Variants in MAPRE2 observed in about 807,000 individuals in gnomAD.
The protein encoded by MAPRE2 is microtubule-associated protein RP/EB family member 2.
In MAPRE2, 13 loss-of-function variants were observed where a neutral mutation model predicts 43.2. That is an observed-to-expected ratio of 0.30 (90% confidence interval 0.20 to 0.48). MAPRE2 has a LOEUF of 0.48. Ranked by LOEUF, MAPRE2 falls within the 20% of genes least tolerant of loss-of-function variation. The pLI, the probability that MAPRE2 is intolerant of heterozygous loss-of-function variation, is 0.99. For synonymous variants in MAPRE2, 135 were observed against 148.8 expected (o/e 0.91, Z 0.68); for missense variants, 161 against 400.2 (o/e 0.40, Z 5.10).
intron 1 of MAPRE2, among the ~76,000 whole-genome samples, chr18:34,977,621 G>C (rs2097013928): frequency 6.6e-6 from 1 of 152,192 alleles, no homozygotes; most frequent in South Asian, 2.1e-4. Flanking sequence ...CTGGACCCCG[G>C]GCACTTCCCC....
chr18:35,048,469 CACAT>C (rs1905750553), intron 1 of MAPRE2, among the ~76,000 whole-genome samples: 1 of 151,088 alleles, frequency 6.6e-6, no homozygotes, highest in Non-Finnish European at 1.5e-5. Flanking sequence ...AGTATATATA[CACAT>C]ACATATATAC....
chr18:35,035,013 T>A (rs1369994714), intron 2 of MAPRE2, among the ~76,000 whole-genome samples: 1 of 151,924 alleles, frequency 6.6e-6, no homozygotes, highest in East Asian at 1.9e-4. Flanking sequence ...CATTACTGGG[T>A]ATATACCCAA....
chr18:35,127,198 TTGG>T (rs1425873841), intron 5 of MAPRE2, 111 bp downstream of exon 5: 36 of 1,120,130 alleles, frequency 3.2e-5, no homozygotes, highest in Non-Finnish European at 4.5e-5. Context: ...GGAAGAATCC[TTGG>T]TTTCAAGTAA....
chr18:35,132,278 C>T, intron 6 of MAPRE2, 88 bp downstream of exon 6: 1 of 1,235,004 alleles, frequency 8.1e-7, no homozygotes, highest in Non-Finnish European at 1.1e-6. Flanking sequence ...GAATACTTCC[C>T]CAGGACCTCA....
At chr18:35,135,372 A>G (rs1910339753) in intron 6 of MAPRE2, among the ~76,000 whole-genome samples, 1 of 152,210 alleles carries the variant, frequency 6.6e-6, no homozygotes, top group Middle Eastern at 3.4e-3. Flanking sequence ...AGGAGCAGCT[A>G]GATACTCTCC....
intron 2 of MAPRE2, among the ~76,000 whole-genome samples, chr18:35,009,195 G>A (rs948534290): frequency 3.3e-5 from 5 of 152,086 alleles, no homozygotes; most frequent in African/African-American, 9.7e-5. Context: ...GGAGTTTGGG[G>A]AGGGGGAGGT....
chr18:35,037,050 T>TC (rs2097050930), upstream of MAPRE2, among the ~76,000 whole-genome samples: 1 of 152,186 alleles, frequency 6.6e-6, no homozygotes, highest in African/African-American at 2.4e-5. Flanking sequence ...GATGGTCCCA[T>TC]CCCACCCTAT....
At chr18:35,016,415 A>G (rs1483224594) in intron 2 of MAPRE2, among the ~76,000 whole-genome samples, 1 of 152,136 alleles carries the variant, frequency 6.6e-6, no homozygotes, top group East Asian at 1.9e-4. Context: ...ACTAATTTAC[A>G]TTCCCACCAA....
intron 1 of MAPRE2, among the ~76,000 whole-genome samples, chr18:35,054,840 C>A (rs958159366): frequency 2.6e-5 from 4 of 152,044 alleles, no homozygotes; most frequent in Non-Finnish European, 2.9e-5. Context: ...ATTGGAAAAT[C>A]TTTTTATGTA....
intron 2 of MAPRE2, among the ~76,000 whole-genome samples, chr18:35,007,784 C>A (rs1322993103): frequency 6.6e-6 from 1 of 151,882 alleles, no homozygotes; most frequent in Non-Finnish European, 1.5e-5. Context: ...GACCCTTGAA[C>A]AACATGGGTT....
At chr18:35,093,602 C>A (rs1055204402) in intron 2 of MAPRE2, among the ~76,000 whole-genome samples, 1 of 152,136 alleles carries the variant, frequency 6.6e-6, no homozygotes, top group Admixed American at 6.5e-5. Flanking sequence ...AAAATGAAAT[C>A]TTGTCATTTG....
intron 6 of MAPRE2, among the ~76,000 whole-genome samples, chr18:35,138,434 C>T (rs1276774278): frequency 1.3e-5 from 2 of 152,048 alleles, no homozygotes; most frequent in African/African-American, 4.8e-5. Context: ...CCTGTCGGCA[C>T]GGTAAGAGAC....
intron 3 of MAPRE2, among the ~76,000 whole-genome samples, chr18:35,101,183 T>A (rs1908660759): frequency 1.3e-5 from 2 of 152,258 alleles, no homozygotes; most frequent in South Asian, 2.1e-4. Context: ...ATATTCCTTT[T>A]GTCTGGCTTG....
At chr18:35,133,037 C>T (rs1017756137) in intron 6 of MAPRE2, among the ~76,000 whole-genome samples, 10 of 152,076 alleles carry the variant, frequency 6.6e-5, no homozygotes, top group South Asian at 4.2e-4. Flanking sequence ...GGAAGTGTCC[C>T]GGTCTCTGGG....
At chr18:35,003,619 A>AT (rs2097030434) in intron 1 of MAPRE2, among the ~76,000 whole-genome samples, 1 of 152,232 alleles carries the variant, frequency 6.6e-6, no homozygotes, top group African/African-American at 2.4e-5. Flanking sequence ...ACAATTCTGA[A>AT]TTTTCTAAGG....
chr18:35,045,806 A>G (rs1905591329), intron 1 of MAPRE2, among the ~76,000 whole-genome samples: 2 of 152,206 alleles, frequency 1.3e-5, no homozygotes. Flanking sequence ...AATACTGTCA[A>G]AGGAGGTTTT....
chr18:35,108,227 T>C (rs1474229680), intron 4 of MAPRE2, among the ~76,000 whole-genome samples: 1 of 152,134 alleles, frequency 6.6e-6, no homozygotes, highest in Non-Finnish European at 1.5e-5. Flanking sequence ...CAGTGTTTGG[T>C]TTTCTGTTCC....
intron 1 of MAPRE2, among the ~76,000 whole-genome samples, chr18:35,047,388 C>G (rs1239206428): frequency 6.6e-6 from 1 of 152,120 alleles, no homozygotes; most frequent in Admixed American, 6.5e-5. Flanking sequence ...TTCTTTCTAA[C>G]ACTCCACACA....
intron 2 of MAPRE2, among the ~76,000 whole-genome samples, chr18:35,029,407 C>T (rs1429670046): frequency 3.9e-5 from 6 of 152,140 alleles, no homozygotes; most frequent in Admixed American, 2.0e-4. Context: ...CTCAGGAAGA[C>T]GCTTCCTTCC....
Sources: gnomAD v4.1 joint callset for allele counts (sites outside exome capture counted in the v4.1 genomes callset) on GRCh38, gnomAD v4.1.1 for gene constraint, MANE v1.5 for transcripts, NCBI Gene and HGNC (gene_info 2026-07-23, HGNC 2026-07-21) for gene names.